The following HPSE2 variants were observed in gnomAD, a reference collection of about 807,000 sequenced individuals.
HPSE2 encodes heparanase 2 (inactive).
In HPSE2, 38 loss-of-function variants were observed where a neutral mutation model predicts 60.5. That is an observed-to-expected ratio of 0.63 (90% CI 0.48 to 0.82). HPSE2 has a LOEUF of 0.82. HPSE2 is among the 40% of genes least tolerant of loss of function. HPSE2 has a pLI of 0.00. For missense variants in HPSE2, 713 were observed against 740.4 expected (o/e 0.96, Z 0.43); for synonymous variants, 295 against 293.2 (o/e 1.01, Z -0.06).
intron 3 of HPSE2, among the ~76,000 whole-genome samples, chr10:99,083,149 A>G (rs1444017436): frequency 6.6e-6 from 1 of 152,220 alleles, no homozygotes; most frequent in African/African-American, 2.4e-5. Flanking sequence ...GCCTTCAAGC[A>G]TGTAAAGGGA....
chr10:98,659,636 T>C (rs547824390), intron 6 of HPSE2, among the ~76,000 whole-genome samples: 2 of 152,356 alleles, frequency 1.3e-5, no homozygotes, highest in East Asian at 3.9e-4. Context: ...CATGAACATA[T>C]ATTTGTTTGA....
chr10:98,761,377 T>G (rs927361402), intron 3 of HPSE2, among the ~76,000 whole-genome samples: 13 of 152,270 alleles, frequency 8.5e-5, no homozygotes, highest in African/African-American at 3.1e-4. Flanking sequence ...TAATCTCTAT[T>G]TCATTTACTT....
chr10:98,997,043 TTAAG>T (rs771243035), intron 3 of HPSE2, among the ~76,000 whole-genome samples: 43 of 152,120 alleles, frequency 2.8e-4, no homozygotes, highest in South Asian at 1.5e-3. Context: ...TTTTAATAAT[TTAAG>T]TATGTATTTA....
chr10:99,306,778 C>T, the HPSE2 span, among the ~76,000 whole-genome samples: 3 of 152,140 alleles, frequency 2.0e-5, no homozygotes, highest in Non-Finnish European at 4.4e-5. Context: ...GGCGCGATCT[C>T]GGCTCACTGC....
intron 3 of HPSE2, among the ~76,000 whole-genome samples, chr10:98,909,402 G>A (rs575937588): frequency 3.6e-3 from 551 of 151,232 alleles, no homozygotes; most frequent in African/African-American, 0.013. Flanking sequence ...AGGTCGAAGC[G>A]GGTGAATCCA....
chr10:98,937,366 T>G (rs1017459141), intron 3 of HPSE2, among the ~76,000 whole-genome samples: 1 of 144,382 alleles, frequency 6.9e-6, no homozygotes, highest in Non-Finnish European at 1.5e-5. Flanking sequence ...ACCTGGAAAT[T>G]CGGGTCACTC....
chr10:99,235,396 T>C lies in HPSE2; in HGVS notation c.290+117A>G, dbSNP rs977572261. 4 of 974,070 alleles carry C rather than the reference T, an allele frequency of 4.1e-6. No individual in the cohort carries two copies. The African/African-American group carries it at 6.4e-5, about 16-fold the overall frequency. 60.3% of individuals were successfully genotyped at this position (974,070 alleles called of 1,614,324 possible). On this transcript the variant is annotated intron_variant, in intron 1 of 11. Coordinates refer to ENST00000370552, the MANE Select transcript of HPSE2 (RefSeq NM_021828.5). ...AGGAGAAGGAAAACCTCTTTTCTTC[T>C]CTTTGAGAGATCTGCTTGGCTTATT...
At chr10:98,777,025 A>G (rs1332208935) in intron 3 of HPSE2, among the ~76,000 whole-genome samples, 1 of 152,182 alleles carries the variant, frequency 6.6e-6, no homozygotes, top group Non-Finnish European at 1.5e-5. Context: ...TTCAACTTTC[A>G]TTTCTGTTTA....
chr10:98,870,945 TA>T (rs11423592), intron 3 of HPSE2, among the ~76,000 whole-genome samples: 4 of 142,134 alleles, frequency 2.8e-5, no homozygotes, highest in Admixed American at 7.1e-5. Context: ...TTTAAATTAT[TA>T]AAAAAAAAAA....
intron 3 of HPSE2, among the ~76,000 whole-genome samples, chr10:98,847,133 G>A (rs1180018673): frequency 2.0e-5 from 3 of 152,292 alleles, no homozygotes; most frequent in Admixed American, 2.0e-4. Flanking sequence ...TTTGACAGAA[G>A]ATACAAACTC....
In HPSE2 at chr10:98,643,961, T is replaced by C. The variant is rs115862690; in HGVS notation, c.1005-2021A>G. On this transcript the variant is annotated intron_variant, in intron 6 of 11. Coordinates refer to ENST00000370552, the MANE Select transcript of HPSE2 (RefSeq NM_021828.5). Reference sequence around the variant, plus strand: ...TCCCAGTAACTACATTACACATCAGTATTTATAATTTTTGTTAGCAACACA... The same window carrying C: ...TCCCAGTAACTACATTACACATCAGCATTTATAATTTTTGTTAGCAACACA... Among the ~76,000 whole-genome samples the C allele has an allele frequency of 5.9e-3, 892 of 152,326 alleles. 4 individuals carry two copies. Among genetic ancestry groups the C allele is most frequent in the African/African-American group, 0.02 (844 of 41,566 alleles).
chr10:98,675,803 G>A (rs1947626091), intron 6 of HPSE2, among the ~76,000 whole-genome samples: 1 of 152,160 alleles, frequency 6.6e-6, no homozygotes, highest in Non-Finnish European at 1.5e-5. Context: ...GCTGAGGTGG[G>A]AGGATTGCGT....
intron 6 of HPSE2, among the ~76,000 whole-genome samples, chr10:98,656,535 C>T (rs959178701): frequency 1.2e-4 from 19 of 152,108 alleles, no homozygotes; most frequent in African/African-American, 4.3e-4. Context: ...TCTATTATAC[C>T]AGATATCAGC....
At chr10:98,763,018 G>C (rs1269080346) in intron 3 of HPSE2, among the ~76,000 whole-genome samples, 1 of 151,892 alleles carries the variant, frequency 6.6e-6, no homozygotes, top group African/African-American at 2.4e-5. Context: ...AATAGAACCA[G>C]ATGAAAATTT....
chr10:98,548,176 A>G (rs1204175645), intron 9 of HPSE2, among the ~76,000 whole-genome samples: 1 of 152,226 alleles, frequency 6.6e-6, no homozygotes, highest in Non-Finnish European at 1.5e-5. Flanking sequence ...AGAGAAGAAC[A>G]TATTACTCAC....
intron 3 of HPSE2, among the ~76,000 whole-genome samples, chr10:98,816,603 G>GT (rs1385647731): frequency 6.6e-6 from 1 of 152,112 alleles, no homozygotes; most frequent in Non-Finnish European, 1.5e-5. Context: ...AACAACTGAG[G>GT]TTAGTATCTG....
At chr10:99,003,157 T>G (rs961075955) in intron 3 of HPSE2, among the ~76,000 whole-genome samples, 2 of 152,152 alleles carry the variant, frequency 1.3e-5, no homozygotes, top group Admixed American at 6.6e-5. Flanking sequence ...TCCATGTTCA[T>G]CCATGTTGTC....
intron 9 of HPSE2, among the ~76,000 whole-genome samples, chr10:98,495,710 A>AT (rs56960685): frequency 2.7e-5 from 4 of 150,488 alleles, no homozygotes; most frequent in Non-Finnish European, 4.4e-5. Context: ...CAGCTCCAGA[A>AT]TTTTTTTTTT....
At chr10:99,103,669 T>C (rs1844112926) in intron 3 of HPSE2, among the ~76,000 whole-genome samples, 1 of 152,208 alleles carries the variant, frequency 6.6e-6, no homozygotes, top group Non-Finnish European at 1.5e-5. Flanking sequence ...AGAGCCCGCA[T>C]TGCCAAGACA....
Sources: allele counts gnomAD v4.1 joint callset (sites outside exome capture counted in the v4.1 genomes callset), GRCh38; gene constraint gnomAD v4.1.1; transcripts MANE v1.5; gene names NCBI Gene and HGNC (gene_info 2026-07-23, HGNC 2026-07-21).